The following TBCB variants were observed in gnomAD, a reference collection of about 807,000 sequenced individuals.
The protein encoded by TBCB is tubulin-folding cofactor B.
A neutral mutation model predicts 29.2 loss-of-function variants in TBCB; 18 were observed. The observed-to-expected ratio is 0.62, with a 90% CI of 0.43 to 0.91. The LOEUF (loss-of-function observed/expected upper bound fraction) is 0.91, where lower values mean the gene tolerates loss of function less well. TBCB is among the 40% of genes least tolerant of loss of function. TBCB has a pLI of 0.00. For synonymous variants in TBCB, 172 were observed against 137.8 expected, an observed-to-expected ratio of 1.25 and a Z score of -1.74; for missense variants, 336 against 337.6, an observed-to-expected ratio of 1.00 and a Z score of 0.04.
chr19:36,121,182 C>T (rs546222868), intron 3 of TBCB, among the ~76,000 whole-genome samples: 4 of 97,854 alleles, frequency 4.1e-5, no homozygotes, highest in Non-Finnish European at 8.1e-5. Context: ...AGTGAGGGCG[C>T]CTGGGACGGA....
At chr19:36,115,906 G>A in intron 1 of TBCB, 135 bp from the exon 2 acceptor site, 1 of 1,350,886 alleles carries the variant, frequency 7.4e-7, no homozygotes, top group Non-Finnish European at 1.0e-6. Flanking sequence ...GGGGCAAGAG[G>A]CGAGGGGCTG....
intron 2 of TBCB, chr19:36,116,445 C>T: frequency 2.4e-6 from 1 of 408,668 alleles, no homozygotes. Context: ...AGAGGGCTTC[C>T]TGGAGGAAGG....
At chr19:36,122,988 C>T (rs911115581) in intron 4 of TBCB, among the ~76,000 whole-genome samples, 2 of 152,124 alleles carry the variant, frequency 1.3e-5, no homozygotes, top group Non-Finnish European at 2.9e-5. Context: ...TCTTCAGCCA[C>T]TAATTTACGT....
In TBCB at chr19:36,121,668, AG is replaced by A; in HGVS notation, c.499del (p.Val167CysfsTer16). The A allele has an allele frequency of 1.3e-6, 2 of 1,563,216 alleles. No individual in the cohort carries two copies. The highest frequency in any genetic ancestry group is 1.7e-4 in the Middle Eastern group (1 of 5,806). Reference sequence around the variant, plus strand: ...TCCATCCCCGTGGGCAGCCGCTGTGAGGTGCGGGCGGCGGGACAATCCCCTC... The same window carrying A: ...TCCATCCCCGTGGGCAGCCGCTGTGAGTGCGGGCGGCGGGACAATCCCCTC... The part of the protein sequence containing the change: ...ASSIPVGSRC[E>X]VRAAGQSPRR... On this transcript the variant is annotated frameshift_variant, in exon 4 of 6. Transcript: ENST00000221855. LOFTEE classifies it high-confidence loss of function.
chr19:36,115,309 T>C, upstream of TBCB: 2 of 548,256 alleles, frequency 3.6e-6, no homozygotes, highest in Non-Finnish European at 3.2e-6. Flanking sequence ...CGGGCCGCTA[T>C]TGGAAGAACC....
In TBCB at chr19:36,121,509, AG is replaced by A; in HGVS notation, c.356-17del. The A allele has an allele frequency of 6.5e-7, 1 of 1,547,428 alleles. No homozygotes were observed. The highest frequency in any genetic ancestry group is 1.2e-5 in the South Asian group (1 of 84,160). ...CCCGGCCGACACCCCAACTGACCCC[AG>A]CCCCCTCTGCCCACAGACACGGTCC... On this transcript the variant is annotated splice_polypyrimidine_tract_variant and intron_variant, in intron 3 of 5. Transcript: ENST00000221855.
At position 36,125,754 on chromosome 19, in the gene TBCB, A is replaced by C; in HGVS notation, c.707A>C (p.Glu236Ala). ...PAVVTVGDFPEEDYGLDEI is the reference protein window; with the variant it reads ...PAVVTVGDFPAEDYGLDEI ...GTCGTGACGGTGGGGGACTTCCCGGAGGAGGACTACGGGTTGGACGAGATA... is the reference window on the plus strand; with the variant it reads ...GTCGTGACGGTGGGGGACTTCCCGGCGGAGGACTACGGGTTGGACGAGATA... Residue 236 changes from glutamate (E) to alanine (A), a missense_variant, in exon 6 of 6, where the codon GAG becomes GCG. Transcript: ENST00000221855. 1 of 1,560,916 alleles carries C rather than the reference A, an allele frequency of 6.4e-7. No homozygotes were observed. Among genetic ancestry groups the C allele is most frequent in the African/African-American group, 1.4e-5 (1 of 73,314 alleles).
chr19:36,117,021 A>G (rs1973966853), intron 2 of TBCB, among the ~76,000 whole-genome samples: 1 of 152,130 alleles, frequency 6.6e-6, no homozygotes, highest in South Asian at 2.1e-4. Context: ...CTGGGCCTGA[A>G]TGGTTCTTTT....
chr19:36,115,512 G>C lies in TBCB; in HGVS notation c.-49G>C, dbSNP rs751617520. On this transcript the variant is annotated 5_prime_UTR_variant, in exon 1 of 6. Coordinates refer to ENST00000221855, the MANE Select transcript of TBCB (RefSeq NM_001281.3). ...CAGCGGCGGCGGCGGCTGCGGAGCGGGTGTGAGGCGGCTGGACCGCGCTGC... is the reference window on the plus strand; with the variant it reads ...CAGCGGCGGCGGCGGCTGCGGAGCGCGTGTGAGGCGGCTGGACCGCGCTGC... 13 of 1,430,268 alleles carry C rather than the reference G, an allele frequency of 9.1e-6. No individual in the cohort carries two copies. Among genetic ancestry groups the C allele is most frequent in the Non-Finnish European group, 1.3e-5 (13 of 1,039,890 alleles). 88.6% of individuals were successfully genotyped at this position (1,430,268 alleles called of 1,614,324 possible).
intron 3 of TBCB, among the ~76,000 whole-genome samples, chr19:36,121,163 G>T (rs1318635583): frequency 2.7e-5 from 4 of 149,452 alleles, no homozygotes; most frequent in African/African-American, 7.4e-5. Context: ...AGTGGACAGG[G>T]TGGCGGTCAG....
intron 4 of TBCB, chr19:36,121,995 G>T (rs1974063222): frequency 3.7e-6 from 2 of 538,342 alleles, no homozygotes; most frequent in East Asian, 3.4e-5. Context: ...TTCGAAGCGT[G>T]GGGCAGTGTC....
Position 36,120,703 on chromosome 19 carries a change from C to T in TBCB, c.259-7C>T, listed in dbSNP as rs1442370810. ...CTGATCCCCACGGAGCCCCTCCCCT[C>T]ACACAGGTCATTGACCACAGTGGCG... is the stretch of plus-strand genomic sequence containing the variant. On this transcript the variant is annotated splice_region_variant and splice_polypyrimidine_tract_variant and intron_variant, in intron 2 of 5. Transcript: ENST00000221855. The T allele has an allele frequency of 6.2e-7, 1 of 1,613,816 alleles. No individual in the cohort carries two copies. Among genetic ancestry groups the T allele is most frequent in the African/African-American group, 1.3e-5 (1 of 74,922 alleles).
chr19:36,117,449 A>G (rs1444121776), intron 2 of TBCB, among the ~76,000 whole-genome samples: 3 of 152,112 alleles, frequency 2.0e-5, no homozygotes, highest in Non-Finnish European at 2.9e-5. Flanking sequence ...GGTTCAAGCT[A>G]TTCTCCTGCC....
chr19:36,115,928 C>G (rs1046421911), intron 1 of TBCB, 113 bp from the exon 2 acceptor site: 6 of 1,465,216 alleles, frequency 4.1e-6, no homozygotes, highest in Admixed American at 1.9e-5. Flanking sequence ...ATTGCGGCCC[C>G]GTGCGTCCTG....
intron 2 of TBCB, among the ~76,000 whole-genome samples, chr19:36,119,209 A>G (rs111804819): frequency 1.3e-5 from 2 of 152,174 alleles, no homozygotes; most frequent in Admixed American, 6.5e-5. Context: ...AATATCACCC[A>G]TATTCATTGT....
chr19:36,122,773 A>T (rs1213714481), intron 4 of TBCB, among the ~76,000 whole-genome samples: 1 of 150,558 alleles, frequency 6.6e-6, no homozygotes, highest in Non-Finnish European at 1.5e-5. Context: ...AAAAAAAAAA[A>T]GATACACGGG....
intron 4 of TBCB, among the ~76,000 whole-genome samples, chr19:36,124,544 T>C (rs1469947068): frequency 1.3e-5 from 2 of 151,918 alleles, no homozygotes; most frequent in Non-Finnish European, 2.9e-5. Context: ...GGTTTGGTTT[T>C]GTTTTTTTTC....
At position 36,125,432 on chromosome 19, in the gene TBCB, A is replaced by G; in HGVS notation, c.548-19A>G. ...TTCTATGTCCAGAAGCTTCACAGGG[A>G]TTTCTCTTCTGTTGGCAGGTCTCAC... On this transcript the variant is annotated intron_variant, in intron 4 of 5. Coordinates refer to ENST00000221855, the MANE Select transcript of TBCB (RefSeq NM_001281.3). 6.2e-7 allele frequency: 1 copy of G among 1,613,652 alleles called. No individual in the cohort carries two copies. The highest frequency in any genetic ancestry group is 8.5e-7 in the Non-Finnish European group (1 of 1,179,566).
chr19:36,115,987 C>T, intron 1 of TBCB, 54 bp from the exon 2 acceptor site: 8 of 1,586,074 alleles, frequency 5.0e-6, no homozygotes, highest in Non-Finnish European at 6.9e-6. Flanking sequence ...GTCATTGATG[C>T]AAGGGGCGGG....
Sources: gnomAD v4.1 joint callset for allele counts (sites outside exome capture counted in the v4.1 genomes callset) on GRCh38, gnomAD v4.1.1 for gene constraint, MANE v1.5 for transcripts, NCBI Gene and HGNC (gene_info 2026-07-23, HGNC 2026-07-21) for gene names.